The following MKNK2 variants were observed in gnomAD, a reference collection of about 807,000 sequenced individuals.
MKNK2 encodes MAP kinase-interacting serine/threonine-protein kinase 2.
MKNK2 carries 54 observed loss-of-function variants against 55.0 expected under a neutral mutation model. That is an observed-to-expected ratio of 0.98 (90% confidence interval 0.79 to 1.23). MKNK2 has a LOEUF of 1.23. Ranked by LOEUF, MKNK2 falls within the 50% of genes most tolerant of loss-of-function variation. MKNK2 has a pLI of 0.00. For missense variants in MKNK2, 685 were observed against 632.1 expected (o/e 1.08, Z -0.90); for synonymous variants, 323 against 256.0 (o/e 1.26, Z -2.50).
chr19:2,038,400 C>T lies in MKNK2; in HGVS notation c.*1213G>A, dbSNP rs2016800526. The T allele has an allele frequency of 2.0e-6, 2 of 985,910 alleles. No homozygotes were observed. The highest frequency in any genetic ancestry group is 2.4e-6 in the Non-Finnish European group (2 of 830,110). 61.1% of individuals were successfully genotyped at this position (985,910 alleles called of 1,614,324 possible). On this transcript the variant is annotated 3_prime_UTR_variant, in exon 14 of 14. Coordinates refer to ENST00000250896, the MANE Select transcript of MKNK2 (RefSeq NM_199054.3). ...AGCCGCGCGCACTTCTAAAGTGGAA[C>T]CCTGTATTGCATAGAACGTCCCCAC...
rs1599380399 is a variant in MKNK2 at position 2,041,916 on chromosome 19, C to G, written c.869G>C (p.Ser290Thr). 6.5e-7 allele frequency: 1 copy of G among 1,548,554 alleles called. No individual in the cohort carries two copies. The change falls in exon 11 of 14, where the codon AGC becomes ACC. Residue 290 changes from serine to threonine, a missense_variant. Physicochemically the swap from Ser to Thr is moderately conservative, Grantham distance 58. Transcript: ENST00000250896. ...GCGGCCCACGAAGGGCGGGTAGCCG[C>G]TGAGTAGGATATACAAGATGACGCC... ...SLGVILYILL[S>T]GYPPFVGRCG...
rs1316166295 is a variant in MKNK2 at position 2,042,748 on chromosome 19, G to C, written c.598+18C>G. 3.9e-6 allele frequency: 6 copies of C among 1,557,088 alleles called. No individual in the cohort carries two copies. Among genetic ancestry groups the C allele is most frequent in the Non-Finnish European group, 5.2e-6 (6 of 1,147,500 alleles). On this transcript the variant is annotated intron_variant, in intron 8 of 13. Transcript: ENST00000250896. ...TGGCAGGCGGCCCTAGGAGACTCCG[G>C]GCGGGGTCACCACCTACCTTTGTTA...
rs541789962 is a variant in MKNK2 at position 2,038,036 on chromosome 19, C to G, written c.*1577G>C. 11 of 1,292,564 alleles carry G rather than the reference C, an allele frequency of 8.5e-6. No individual in the cohort carries two copies. The highest frequency in any genetic ancestry group is 9.9e-6 in the Non-Finnish European group (10 of 1,010,138). The allele number at this position is 1,292,564 out of a possible 1,614,324, so 80.1% of individuals were successfully genotyped here. A position where few individuals can be genotyped will look rare whatever the true frequency, so the allele number is the denominator to read the frequency against. On this transcript the variant is annotated 3_prime_UTR_variant, in exon 14 of 14. Coordinates refer to ENST00000250896, the MANE Select transcript of MKNK2 (RefSeq NM_199054.3). ...AGGGGTGGGCGGAATGCCCCACCCCCCCCAGGGGTCTTTGGAAGGGGCAGT... is the reference window on the plus strand; with the variant it reads ...AGGGGTGGGCGGAATGCCCCACCCCGCCCAGGGGTCTTTGGAAGGGGCAGT...
intron 5 of MKNK2, 144 bp downstream of exon 5, chr19:2,046,042 A>T (rs1207383813): frequency 2.6e-6 from 2 of 769,434 alleles, no homozygotes; most frequent in East Asian, 2.5e-5. Context: ...GTCATTCCCG[A>T]CTGGACTCAG....
At chr19:2,048,849 G>A (rs1190117787) in intron 2 of MKNK2, among the ~76,000 whole-genome samples, 4 of 152,122 alleles carry the variant, frequency 2.6e-5, no homozygotes, top group Non-Finnish European at 5.9e-5. Flanking sequence ...TAAGGCTCCT[G>A]TCCAGAGGCC....
intron 2 of MKNK2, 59 bp from the exon 3 acceptor site, chr19:2,046,750 G>A: frequency 7.6e-7 from 1 of 1,323,520 alleles, no homozygotes; most frequent in South Asian, 1.5e-5. Context: ...GCAGCAGGGA[G>A]ACCTATCCTG....
chr19:2,049,785 G>A (rs1437600754), intron 2 of MKNK2, among the ~76,000 whole-genome samples: 2 of 152,202 alleles, frequency 1.3e-5, no homozygotes, highest in Admixed American at 1.3e-4. Flanking sequence ...GGAAAACTGG[G>A]CAGGGGTGGC....
Position 2,046,434 on chromosome 19 carries a change from G to A in MKNK2, c.174C>T (p.Asp58=), listed in dbSNP as rs56307191. 0.01 allele frequency: 16,333 copies of A among 1,609,248 alleles called. 101 individuals are homozygous for A. The highest frequency in any genetic ancestry group is 0.016 in the Middle Eastern group (94 of 6,058). ...TCTTCTTCTTGCCCCTCTTCTTGGC[G>A]TCCGGGATGTCAATGGGCTGGCTGG... ...MPASQPIDIP[D]AKKRGKKKKR... The change falls in exon 4 of 14, where the codon GAC becomes GAT. Residue 58 remains aspartate, a synonymous_variant. Coordinates refer to ENST00000250896, the MANE Select transcript of MKNK2 (RefSeq NM_199054.3).
Position 2,039,204 on chromosome 19 carries a change from AGC to A in MKNK2, c.*407_*408del, listed in dbSNP as rs2016819480. On this transcript the variant is annotated 3_prime_UTR_variant, in exon 14 of 14. Transcript: ENST00000250896. ...AGGGCAGGGTCCTGTGCCCCTCCCC[AGC>A]TCTGCAAGATGGCAAACGCTGTGGG... is the stretch of plus-strand genomic sequence containing the variant. 9.7e-7 allele frequency: 1 copy of A among 1,031,984 alleles called. No individual in the cohort carries two copies. Among genetic ancestry groups the A allele is most frequent in the Admixed American group, 5.1e-5 (1 of 19,550 alleles). The allele number at this position is 1,031,984 out of a possible 1,614,324, so 63.9% of individuals were successfully genotyped here.
In MKNK2 at chr19:2,038,075, C is replaced by A; in HGVS notation, c.*1538G>T. On this transcript the variant is annotated 3_prime_UTR_variant, in exon 14 of 14. Coordinates refer to ENST00000250896, the MANE Select transcript of MKNK2 (RefSeq NM_199054.3). ...GGAAGGGGCAGTCCACAGATATGGG[C>A]AGTGGGGACCAGGGAAGGCAGAGCA... The A allele has an allele frequency of 8.5e-7, 1 of 1,173,046 alleles. No individual in the cohort carries two copies. Among genetic ancestry groups the A allele is most frequent in the Non-Finnish European group, 1.1e-6 (1 of 943,402 alleles). The allele number at this position is 1,173,046 out of a possible 1,614,324, so 72.7% of individuals were successfully genotyped here.
At chr19:2,046,830 G>T in intron 2 of MKNK2, 139 bp from the exon 3 acceptor site, 2 of 640,094 alleles carry the variant, frequency 3.1e-6, no homozygotes, top group Non-Finnish European at 2.5e-6. Context: ...CTCCGTCCCC[G>T]CTCACACACC....
In MKNK2 at chr19:2,037,834, A is replaced by AG. The variant is rs745462148; in HGVS notation, c.*1778dup. ...AGGAGGAAGTGACTGTCCCACCTTC[A>AG]GAAAAAAAAAAAAAAACAAACAAAC... On this transcript the variant is annotated 3_prime_UTR_variant, in exon 14 of 14. Transcript: ENST00000250896. 9.6e-6 allele frequency: 15 copies of AG among 1,561,342 alleles called. No individual in the cohort carries two copies. Among genetic ancestry groups the AG allele is most frequent in the Non-Finnish European group, 1.2e-5 (14 of 1,153,438 alleles).
At chr19:2,042,223 GC>G in intron 10 of MKNK2, 189 bp from the exon 11 acceptor site, 2 of 721,892 alleles carry the variant, frequency 2.8e-6, no homozygotes, top group South Asian at 4.0e-5. Context: ...CCCCGCCGCG[GC>G]CCCGCCCCAC....
intron 2 of MKNK2, among the ~76,000 whole-genome samples, chr19:2,050,484 C>G (rs992032130): frequency 6.6e-6 from 1 of 152,256 alleles, no homozygotes; most frequent in Non-Finnish European, 1.5e-5. Context: ...CCCCCCAGAA[C>G]ATACCCGGCG....
intron 2 of MKNK2, 113 bp downstream of exon 2, chr19:2,050,687 CG>C (rs1017351057): frequency 1.0e-6 from 1 of 1,004,294 alleles, no homozygotes; most frequent in Admixed American, 2.6e-5. Flanking sequence ...GGGTGTAGGG[CG>C]GGGGCCAGGC....
chr19:2,042,280 G>T, intron 10 of MKNK2, 147 bp downstream of exon 10: 1 of 815,990 alleles, frequency 1.2e-6, no homozygotes, highest in Non-Finnish European at 1.9e-6. Flanking sequence ...AGGCCCCGCC[G>T]CGACACCCCG....
Position 2,037,677 on chromosome 19 carries a change from A to G in MKNK2, c.*1936T>C. On this transcript the variant is annotated 3_prime_UTR_variant, in exon 14 of 14. Coordinates refer to ENST00000250896, the MANE Select transcript of MKNK2 (RefSeq NM_199054.3). ...TTTAAAAACATCGTAACATTAACACATGGCCGTTCACCGTCCCCCAGCGAT... is the reference window on the plus strand; with the variant it reads ...TTTAAAAACATCGTAACATTAACACGTGGCCGTTCACCGTCCCCCAGCGAT... The G allele has an allele frequency of 2.5e-6, 3 of 1,182,442 alleles. No individual in the cohort carries two copies. The highest frequency in any genetic ancestry group is 3.5e-6 in the Non-Finnish European group (3 of 863,520). The allele number at this position is 1,182,442 out of a possible 1,614,324, so 73.2% of individuals were successfully genotyped here. A position where few individuals can be genotyped will look rare whatever the true frequency, so the allele number is the denominator to read the frequency against.
Position 2,050,946 on chromosome 19 carries a change from C to A in MKNK2, c.-95G>T. The A allele has an allele frequency of 1.2e-6, 1 of 811,116 alleles. No homozygotes were observed. The highest frequency in any genetic ancestry group is 1.8e-5 in the African/African-American group (1 of 54,400). The allele number at this position is 811,116 out of a possible 1,614,324, so 50.2% of individuals were successfully genotyped here. On this transcript the variant is annotated splice_region_variant and 5_prime_UTR_variant, in exon 2 of 14. Transcript: ENST00000250896. ...GGGCGGGGGGCGGCCGAGGAGGGGA[C>A]CCTGCGGGCGGGAGCAGACAAAGGG... is the stretch of plus-strand genomic sequence containing the variant.
rs759781102 is a variant in MKNK2, at chr19:2,039,761, T to TCCTC, written c.1246_1249dup (p.Glu417GlyfsTer60). On this transcript the variant is annotated frameshift_variant, in exon 14 of 14. Coordinates refer to ENST00000250896, the MANE Select transcript of MKNK2 (RefSeq NM_199054.3). LOFTEE classifies it high-confidence loss of function. The stretch of plus-strand genomic sequence containing the variant: ...GACGGGCTGGCCCTGCCCCGCGGCC[T>TCCTC]CCTCCTCAGCCAGGTCCTCGTCGTG... The TCCTC allele has an allele frequency of 6.2e-7, 1 of 1,609,330 alleles. No individual in the cohort carries two copies. Among genetic ancestry groups the TCCTC allele is most frequent in the East Asian group, 2.2e-5 (1 of 44,860 alleles).
Sources: gnomAD v4.1 joint callset for allele counts (sites outside exome capture counted in the v4.1 genomes callset) on GRCh38, gnomAD v4.1.1 for gene constraint, MANE v1.5 for transcripts, NCBI Gene and HGNC (gene_info 2026-07-23, HGNC 2026-07-21) for gene names.